Variants in CCNY observed in about 807,000 individuals in gnomAD.
CCNY encodes the protein cyclin-Y.
Under a neutral mutation model 42.8 loss-of-function variants are expected in CCNY, and 19 were observed. The observed-to-expected ratio is 0.44, with a 90% CI of 0.31 to 0.65. The LOEUF is 0.65. Among genes scored for constraint, CCNY ranks in the 30% least tolerant of loss-of-function variants. CCNY has a pLI of 0.07. For synonymous variants in CCNY, 165 were observed against 162.7 expected (o/e 1.01, Z -0.11); for missense variants, 370 against 437.3 (o/e 0.85, Z 1.37).
intron 2 of CCNY, among the ~76,000 whole-genome samples, chr10:35,499,700 T>G (rs2135388881): frequency 6.6e-6 from 1 of 152,310 alleles, no homozygotes; most frequent in East Asian, 1.9e-4. Flanking sequence ...TTCCCACAGT[T>G]GGGAGACTTG....
chr10:35,340,244 G>C (rs1836146469), intron 1 of CCNY, among the ~76,000 whole-genome samples: 1 of 152,184 alleles, frequency 6.6e-6, no homozygotes, highest in South Asian at 2.1e-4. Context: ...ACGTTAGCTA[G>C]TCTGGGGTTG....
At chr10:35,407,806 C>T (rs1224238945) in intron 1 of CCNY, among the ~76,000 whole-genome samples, 2 of 152,116 alleles carry the variant, frequency 1.3e-5, no homozygotes, top group Non-Finnish European at 2.9e-5. Context: ...GGGGAGCAGC[C>T]AAAGCAGGCG....
intron 3 of CCNY, among the ~76,000 whole-genome samples, chr10:35,312,768 T>TTTTTTTTTG: frequency 6.8e-6 from 1 of 147,524 alleles, no homozygotes; most frequent in Non-Finnish European, 1.5e-5. Flanking sequence ...TTTTTTTTTT[T>TTTTTTTTTG]AGAGTTGGGG....
intron 3 of CCNY, among the ~76,000 whole-genome samples, chr10:35,277,858 A>G (rs796221810): frequency 2.0e-5 from 3 of 152,112 alleles, no homozygotes; most frequent in Admixed American, 1.3e-4. Flanking sequence ...GTGCACCCCA[A>G]TTGGCCCTTT....
chr10:35,503,275 C>A (rs993808316), intron 3 of CCNY, among the ~76,000 whole-genome samples: 1 of 152,188 alleles, frequency 6.6e-6, no homozygotes, highest in Non-Finnish European at 1.5e-5. Context: ...AAAATCACAT[C>A]TGCTGACACA....
At chr10:35,286,607 C>T (rs1353604110) in intron 3 of CCNY, among the ~76,000 whole-genome samples, 3 of 151,112 alleles carry the variant, frequency 2.0e-5, no homozygotes, top group African/African-American at 7.3e-5. Context: ...CTGCCTGCCT[C>T]GGCGTCCCAA....
At chr10:35,348,248 C>T (rs1215434159) in intron 1 of CCNY, among the ~76,000 whole-genome samples, 1 of 152,224 alleles carries the variant, frequency 6.6e-6, no homozygotes, top group Non-Finnish European at 1.5e-5. Context: ...ATATTCGACT[C>T]CCACTTTTCT....
upstream of CCNY, among the ~76,000 whole-genome samples, chr10:35,333,632 T>C (rs1488883416): frequency 2.0e-5 from 3 of 152,204 alleles, no homozygotes; most frequent in East Asian, 5.8e-4. Context: ...TGATCTTAGA[T>C]AGGTTTACTT....
At chr10:35,357,067 T>A (rs1836569680) in intron 1 of CCNY, among the ~76,000 whole-genome samples, 1 of 151,666 alleles carries the variant, frequency 6.6e-6, no homozygotes, top group Non-Finnish European at 1.5e-5. Context: ...CTGCATGCTC[T>A]TCCCAAAGCT....
At chr10:35,527,534 T>C (rs1329537081) in intron 5 of CCNY, among the ~76,000 whole-genome samples, 1 of 152,206 alleles carries the variant, frequency 6.6e-6, no homozygotes, top group Non-Finnish European at 1.5e-5. Context: ...GGTATCTTCA[T>C]TTTACAGATA....
chr10:35,263,750 C>T (rs7904625), intron 3 of CCNY, among the ~76,000 whole-genome samples: 53,151 of 152,014 alleles, frequency 0.35, 9,946 homozygotes, highest in African/African-American at 0.5. Context: ...TAGGTAAACA[C>T]GTGCCATGGT....
chr10:35,501,203 G>A (rs1303304817), intron 2 of CCNY, among the ~76,000 whole-genome samples: 2 of 152,082 alleles, frequency 1.3e-5, no homozygotes, highest in African/African-American at 4.8e-5. Flanking sequence ...GTTTTATGAG[G>A]GTTACTAATT....
chr10:35,452,791 A>AG (rs1261930332), intron 1 of CCNY, among the ~76,000 whole-genome samples: 1 of 143,196 alleles, frequency 7.0e-6, no homozygotes. Flanking sequence ...AAAAAAAAAA[A>AG]TGGAAAAAAG....
At chr10:35,378,990 C>T (rs533240972) in intron 1 of CCNY, among the ~76,000 whole-genome samples, 41 of 152,212 alleles carry the variant, frequency 2.7e-4, no homozygotes, top group African/African-American at 8.4e-4. Flanking sequence ...GGAGTTGATG[C>T]ACCAATGCAT....
At chr10:35,558,872 G>A (rs1459922320) in intron 8 of CCNY, among the ~76,000 whole-genome samples, 1 of 152,212 alleles carries the variant, frequency 6.6e-6, no homozygotes, top group Non-Finnish European at 1.5e-5. Context: ...ACCTGTGCTA[G>A]TCTGTAGCCC....
At chr10:35,555,214 C>T (rs563508146) in intron 8 of CCNY, among the ~76,000 whole-genome samples, 3 of 152,250 alleles carry the variant, frequency 2.0e-5, no homozygotes, top group Non-Finnish European at 4.4e-5. Context: ...TTATCCCCAG[C>T]TGATTAAGAA....
chr10:35,391,395 T>G (rs959304978), intron 1 of CCNY, among the ~76,000 whole-genome samples: 1 of 151,988 alleles, frequency 6.6e-6, no homozygotes, highest in Admixed American at 6.5e-5. Context: ...TCAGAGCAAG[T>G]GACCAAGGGT....
rs34467762 is a variant in CCNY, at chr10:35,275,056, C to CTTTTTTTT, written c.-9+24448_-9+24455dup. 5.1e-4 allele frequency among the ~76,000 whole-genome samples: 33 copies of CTTTTTTTT among 64,902 alleles called. 1 individual carries two copies. Among genetic ancestry groups the CTTTTTTTT allele is most frequent in the Admixed American group, 1.1e-3 (5 of 4,366 alleles). 42.6% of individuals were successfully genotyped at this position (64,902 alleles called of 152,430 possible). On this transcript the variant is annotated intron_variant, in intron 3 of 11. Coordinates refer to the CCNY transcript ENST00000374706. ...TATTGTTTTTGATTCACCGTCATTCCTTTTTTTTTTTTTTTTTTTTTTTTT... is the reference window on the plus strand; with the variant it reads ...TATTGTTTTTGATTCACCGTCATTCCTTTTTTTTTTTTTTTTTTTTTTTTTTTTTTTTT...
chr10:35,395,614 A>G (rs572581268), intron 1 of CCNY, among the ~76,000 whole-genome samples: 2 of 152,304 alleles, frequency 1.3e-5, no homozygotes, highest in African/African-American at 4.8e-5. Context: ...AATTCAGCTA[A>G]ACTGACTTAG....
Sources: gnomAD v4.1 joint callset for allele counts (sites outside exome capture counted in the v4.1 genomes callset) on GRCh38, gnomAD v4.1.1 for gene constraint, MANE v1.5 for transcripts, NCBI Gene and HGNC (gene_info 2026-07-23, HGNC 2026-07-21) for gene names.